The following UBOX5 variants were observed in gnomAD, a reference collection of about 807,000 sequenced individuals.
UBOX5 encodes the protein RING finger protein 37.
In UBOX5, 28 loss-of-function variants were observed where a neutral mutation model predicts 39.0. The observed-to-expected ratio is 0.72, with a 90% confidence interval of 0.53 to 0.98. UBOX5 has a LOEUF of 0.98. Among genes scored for constraint, UBOX5 ranks in the 50% least tolerant of loss-of-function variants. UBOX5 has a pLI of 0.00. For synonymous variants in UBOX5, 283 were observed against 275.5 expected, an observed-to-expected ratio of 1.03 and a Z score of -0.27; for missense variants, 585 against 674.4, an observed-to-expected ratio of 0.87 and a Z score of 1.47.
chr20:3,131,648 G>A (rs1451634538), intron 1 of UBOX5, among the ~76,000 whole-genome samples: 2 of 152,198 alleles, frequency 1.3e-5, no homozygotes, highest in Non-Finnish European at 2.9e-5. Flanking sequence ...CACTGTAATG[G>A]TAGATACATG....
chr20:3,115,721 A>G (rs2066288854), intron 3 of UBOX5, among the ~76,000 whole-genome samples: 2 of 140,152 alleles, frequency 1.4e-5, no homozygotes, highest in African/African-American at 5.4e-5. Context: ...GACATGAGCC[A>G]CCTCGTGGCT....
At chr20:3,139,324 C>CT (rs2066496930) in intron 1 of UBOX5, among the ~76,000 whole-genome samples, 1 of 152,180 alleles carries the variant, frequency 6.6e-6, no homozygotes, top group Non-Finnish European at 1.5e-5. Context: ...AAGTCACCCT[C>CT]TAAGGGCTTA....
intron 1 of UBOX5, among the ~76,000 whole-genome samples, chr20:3,136,855 C>G (rs1017274480): frequency 6.6e-6 from 1 of 151,636 alleles, no homozygotes; most frequent in African/African-American, 2.4e-5. Context: ...CGGGGTTTCA[C>G]TGTGTTAGCC....
intron 1 of UBOX5, among the ~76,000 whole-genome samples, chr20:3,127,178 G>A (rs1369567233): frequency 6.6e-6 from 1 of 152,130 alleles, no homozygotes; most frequent in African/African-American, 2.4e-5. Flanking sequence ...CTCTCCAGTG[G>A]AACTCAACTC....
intron 1 of UBOX5, among the ~76,000 whole-genome samples, chr20:3,133,029 G>A (rs909271899): frequency 6.6e-6 from 1 of 151,954 alleles, no homozygotes; most frequent in Non-Finnish European, 1.5e-5. Context: ...AACAACTCAG[G>A]ACTGAAGATC....
chr20:3,150,989 T>TTCAGCC (rs1407848501), intron 1 of UBOX5: 1 of 152,194 alleles, frequency 6.6e-6, no homozygotes, highest in Non-Finnish European at 1.5e-5. Flanking sequence ...ATCCTCCCAC[T>TTCAGCC]TCAGCCTCAG....
intron 1 of UBOX5, among the ~76,000 whole-genome samples, chr20:3,138,218 A>C (rs1255733397): frequency 6.6e-6 from 1 of 151,718 alleles, no homozygotes; most frequent in Non-Finnish European, 1.5e-5. Flanking sequence ...GGTTGCAGTG[A>C]GCTGGGATCA....
rs202082016 is a variant in UBOX5, at chr20:3,122,147, A to G, written c.492T>C (p.Ala164=). 1 of 1,614,208 alleles carries G rather than the reference A, an allele frequency of 6.2e-7. No individual in the cohort carries two copies. Among genetic ancestry groups the G allele is most frequent in the African/African-American group, 1.3e-5 (1 of 75,060 alleles). Residue 164 remains alanine (A), a synonymous_variant, in exon 3 of 5, where the codon GCT becomes GCC. Coordinates refer to ENST00000217173, the MANE Select transcript of UBOX5 (RefSeq NM_014948.4). ...VVAQELWNKG[A]LSLSHVAHLR... is the part of the protein sequence containing the mutation. ...AGTGGGCCACGTGGCTAAGGGAAAG[A>G]GCCCCTTTATTCCAGAGCTCCTGGG...
chr20:3,146,101 G>A (rs977458409), intron 1 of UBOX5, among the ~76,000 whole-genome samples: 1 of 151,956 alleles, frequency 6.6e-6, no homozygotes, highest in Non-Finnish European at 1.5e-5. Flanking sequence ...CAGCATTTGG[G>A]AGGCCAAGGC....
At chr20:3,141,103 G>C (rs1209451801) in intron 1 of UBOX5, among the ~76,000 whole-genome samples, 1 of 151,586 alleles carries the variant, frequency 6.6e-6, no homozygotes, top group Non-Finnish European at 1.5e-5. Context: ...ATTTTCAGTA[G>C]AGACGGGGTT....
intron 1 of UBOX5, chr20:3,147,845 C>A (rs373385100): frequency 9.3e-6 from 15 of 1,614,228 alleles, no homozygotes; most frequent in Non-Finnish European, 1.3e-5. Flanking sequence ...ATTCATTACT[C>A]CTTCATTCAG....
intron 1 of UBOX5, chr20:3,146,996 G>A: frequency 6.2e-7 from 1 of 1,614,138 alleles, no homozygotes; most frequent in South Asian, 1.1e-5. Context: ...CATTCTTGGG[G>A]TCTGCATGCA....
rs192723942 is a variant in UBOX5, at chr20:3,126,639, G to C, written c.-41-3233C>G. Among the ~76,000 whole-genome samples, 292 of 151,094 alleles carry C rather than the reference G, an allele frequency of 1.9e-3. 5 individuals carry two copies. The highest frequency in any genetic ancestry group is 1.6e-3 in the East Asian group (8 of 5,142). On this transcript the variant is annotated intron_variant, in intron 1 of 4. Coordinates refer to ENST00000217173, the MANE Select transcript of UBOX5 (RefSeq NM_014948.4). ...GGAGGGAGGGAGTGAAGGAGGAAGGGAGGGAGGGAGAGAAGACAGAGAAGG... is the reference window on the plus strand; with the variant it reads ...GGAGGGAGGGAGTGAAGGAGGAAGGCAGGGAGGGAGAGAAGACAGAGAAGG...
At chr20:3,139,045 G>A (rs1213411007) in intron 1 of UBOX5, among the ~76,000 whole-genome samples, 3 of 152,320 alleles carry the variant, frequency 2.0e-5, no homozygotes, top group African/African-American at 7.2e-5. Flanking sequence ...CTCAAAGAGT[G>A]GGTGGAATAT....
chr20:3,142,207 A>G lies in UBOX5; in HGVS notation c.-42+17559T>C, dbSNP rs1037255535. On this transcript the variant is annotated intron_variant, in intron 1 of 4. Transcript: ENST00000217173. ...TCAGTATTGGTGGCTCACACCTATA[A>G]TCCCAGCACTCTGGGAGGCCAAGGT... Among the ~76,000 whole-genome samples the G allele has an allele frequency of 3.9e-5, 6 of 151,976 alleles. No homozygotes were observed. In the South Asian group the frequency reaches 8.3e-4, roughly 21 times the overall value.
chr20:3,119,106 T>C (rs306755), intron 3 of UBOX5, among the ~76,000 whole-genome samples: 61,646 of 152,060 alleles, frequency 0.41, 14,321 homozygotes, highest in East Asian at 0.55. Context: ...AAGAATACAA[T>C]AGAAGTGAGG....
intron 1 of UBOX5, among the ~76,000 whole-genome samples, chr20:3,143,381 T>A (rs1442016573): frequency 6.6e-6 from 1 of 150,892 alleles, no homozygotes; most frequent in African/African-American, 2.4e-5. Context: ...GGATTACAGG[T>A]GTGAGCCGCC....
At chr20:3,129,786 A>T (rs531545402) in intron 1 of UBOX5, among the ~76,000 whole-genome samples, 4 of 152,368 alleles carry the variant, frequency 2.6e-5, no homozygotes, top group South Asian at 2.1e-4. Flanking sequence ...TGGTATGAAT[A>T]TGGATCACAT....
In UBOX5 at chr20:3,115,395, G is replaced by A; in HGVS notation, c.1327C>T (p.Pro443Ser). Residue 443 changes from proline (P) to serine (S), a missense_variant, in exon 4 of 5, where the codon CCC (proline) becomes TCC (serine). Physicochemically the swap from Pro to Ser is moderately conservative, Grantham distance 74. Transcript: ENST00000217173. ...IALASTLGSM[P>S]SFTARLTRGQ... is the part of the protein sequence containing the mutation. The stretch of plus-strand genomic sequence containing the variant: ...CTGGTCAGCCGTGCCGTGAAGGAGG[G>A]CATAGAGCCAAGGGTGGATGCCAAG... 1.2e-6 allele frequency: 2 copies of A among 1,614,196 alleles called. No homozygotes were observed. The highest frequency in any genetic ancestry group is 1.7e-6 in the Non-Finnish European group (2 of 1,180,026).
Sources: gnomAD v4.1 joint callset for allele counts (sites outside exome capture counted in the v4.1 genomes callset) on GRCh38, gnomAD v4.1.1 for gene constraint, MANE v1.5 for transcripts, NCBI Gene and HGNC (gene_info 2026-07-23, HGNC 2026-07-21) for gene names.